The following MPP7 variants were observed in gnomAD, a reference collection of about 807,000 sequenced individuals.
MPP7 encodes the protein MAGUK p55 scaffold protein 7.
A neutral mutation model predicts 76.5 loss-of-function variants in MPP7; 60 were observed. The ratio of observed to expected loss-of-function variants is 0.78; its 90% CI spans 0.64 to 0.97. The LOEUF is 0.97. MPP7 is among the 50% of genes least tolerant of loss of function. The pLI is 0.00. For synonymous variants in MPP7, 237 were observed against 244.5 expected (o/e 0.97, Z 0.29); for missense variants, 641 against 694.0 (o/e 0.92, Z 0.86).
rs146310061 is a variant in MPP7 at position 28,326,841 on chromosome 10, G to C, written c.-132+3088C>G. Among the ~76,000 whole-genome samples the C allele has an allele frequency of 3.9e-5, 6 of 152,210 alleles. No homozygotes were observed. The South Asian group carries it at 6.2e-4, about 16-fold the overall frequency. ...AGAGAGTTTGCAAACCCCAGCTCCC[G>C]GGCTCTGTCTGCTGCACTGATATTC... On this transcript the variant is annotated intron_variant, in intron 2 of 11. Coordinates refer to the MPP7 transcript ENST00000441595.
chr10:28,292,835 TGA>T (rs1168275412), intron 1 of MPP7, among the ~76,000 whole-genome samples: 1 of 149,776 alleles, frequency 6.7e-6, no homozygotes. Context: ...CCTAAAAAGG[TGA>T]GAGAGAGAGA....
intron 2 of MPP7, among the ~76,000 whole-genome samples, chr10:28,317,157 T>A (rs1413639437): frequency 6.6e-6 from 1 of 152,216 alleles, no homozygotes; most frequent in African/African-American, 2.4e-5. Context: ...CATTAGCATC[T>A]GCCATTTATA....
chr10:28,303,653 A>G (rs1488395970), upstream of MPP7, among the ~76,000 whole-genome samples: 1 of 152,220 alleles, frequency 6.6e-6, no homozygotes, highest in African/African-American at 2.4e-5. Flanking sequence ...CATGTACTAC[A>G]TGATTAGAAA....
chr10:28,284,170 C>T (rs1411483485), intron 1 of MPP7, among the ~76,000 whole-genome samples: 1 of 152,116 alleles, frequency 6.6e-6, no homozygotes, highest in African/African-American at 2.4e-5. Flanking sequence ...AAGTACTTTA[C>T]TGAGGATACC....
Position 28,138,564 on chromosome 10 carries a change from A to C in MPP7, c.316-6873T>G, listed in dbSNP as rs539271507. Among the ~76,000 whole-genome samples the C allele has an allele frequency of 2.0e-5, 3 of 152,332 alleles. No homozygotes were observed. The South Asian group carries it at 6.2e-4, about 32-fold the overall frequency. On this transcript the variant is annotated intron_variant, in intron 5 of 16. Transcript: ENST00000683449. Reference sequence around the variant, plus strand: ...TTTCAATATGGCAATTGACTGATCAATTCATTCTGGGTATAATCTTTCAAT... The same window carrying C: ...TTTCAATATGGCAATTGACTGATCACTTCATTCTGGGTATAATCTTTCAAT...
chr10:28,199,634 A>G (rs1050713290), intron 3 of MPP7, among the ~76,000 whole-genome samples: 1 of 152,068 alleles, frequency 6.6e-6, no homozygotes, highest in Non-Finnish European at 1.5e-5. Flanking sequence ...TTTAAGAGAC[A>G]GAGTCTCTGT....
chr10:28,059,355 T>G (rs1338191097), intron 14 of MPP7, among the ~76,000 whole-genome samples: 1 of 152,186 alleles, frequency 6.6e-6, no homozygotes, highest in African/African-American at 2.4e-5. Context: ...AATTACATGT[T>G]AAGATTCAAT....
In MPP7 at chr10:28,177,872, C is replaced by T. The variant is rs146525459; in HGVS notation, c.156+24281G>A. Among the ~76,000 whole-genome samples, 259 of 152,212 alleles carry T rather than the reference C, an allele frequency of 1.7e-3. 1 individual carries two copies. The highest frequency in any genetic ancestry group is 2.8e-3 in the Non-Finnish European group (190 of 68,000). On this transcript the variant is annotated intron_variant, in intron 3 of 16. Coordinates refer to ENST00000683449, the MANE Select transcript of MPP7 (RefSeq NM_001318170.2). Reference sequence around the variant, plus strand: ...ATGCCAGGCATGCAGGTGCTGAAACCCTAAATACTGTGAGGGGCTCCTTTC... The same window carrying T: ...ATGCCAGGCATGCAGGTGCTGAAACTCTAAATACTGTGAGGGGCTCCTTTC...
At chr10:28,066,903 A>T (rs1167902212) in intron 13 of MPP7, among the ~76,000 whole-genome samples, 1 of 152,204 alleles carries the variant, frequency 6.6e-6, no homozygotes, top group Non-Finnish European at 1.5e-5. Context: ...TATACTTTGT[A>T]TGCATATACT....
chr10:28,166,687 G>A (rs185315072), intron 3 of MPP7, among the ~76,000 whole-genome samples: 49 of 152,116 alleles, frequency 3.2e-4, no homozygotes, highest in African/African-American at 1.1e-3. Context: ...GATTACAGGC[G>A]TGAGCCACCA....
intron 11 of MPP7, 36 bp from the exon 12 acceptor site, chr10:28,089,877 T>C (rs756333340): frequency 2.8e-6 from 3 of 1,089,790 alleles, no homozygotes; most frequent in Non-Finnish European, 3.9e-6. Context: ...TTTAGTAACA[T>C]CAACCAAAAA....
intron 1 of MPP7, among the ~76,000 whole-genome samples, chr10:28,262,190 T>TAA: frequency 2.2e-4 from 1 of 4,648 alleles, no homozygotes; most frequent in Non-Finnish European, 4.4e-4. Context: ...ATAAATTATA[T>TAA]ATATATATAT....
intron 2 of MPP7, among the ~76,000 whole-genome samples, chr10:28,326,495 A>T (rs1018908225): frequency 6.6e-6 from 1 of 152,192 alleles, no homozygotes; most frequent in African/African-American, 2.4e-5. Flanking sequence ...GGTGACAGTC[A>T]ATGCTCCGGG....
intron 11 of MPP7, among the ~76,000 whole-genome samples, chr10:28,109,223 G>T (rs990662301): frequency 1.3e-5 from 2 of 152,154 alleles, no homozygotes; most frequent in Non-Finnish European, 2.9e-5. Flanking sequence ...CGGAGGCAGA[G>T]GTTGCAGTGA....
rs914445579 is a variant in MPP7, at chr10:28,149,713, T to C, written c.234+269A>G. Among the ~76,000 whole-genome samples the C allele has an allele frequency of 9.2e-5, 12 of 131,128 alleles. No homozygotes were observed. In the East Asian group the frequency reaches 4.0e-3, roughly 44 times the overall value. The allele number at this position is 131,128 out of a possible 152,430, so 86.0% of individuals were successfully genotyped here. On this transcript the variant is annotated intron_variant, in intron 4 of 16. Coordinates refer to ENST00000683449, the MANE Select transcript of MPP7 (RefSeq NM_001318170.2). ...ACCAACAGCTGACAGCTTCTCTCTC[T>C]CCAGAGTTTAAAGCCTAAAATGTCT... is the stretch of plus-strand genomic sequence containing the variant.
chr10:28,283,575 C>T lies in MPP7; in HGVS notation c.-132+19286G>A, dbSNP rs183688876. Among the ~76,000 whole-genome samples, 177 of 152,134 alleles carry T rather than the reference C, an allele frequency of 1.2e-3. 3 individuals are homozygous for T. The highest frequency in any genetic ancestry group is 3.8e-3 in the African/African-American group (159 of 41,398). ...TTCCACTCAGGCTGGAGTGCAGTGG[C>T]GCAATCTCAGCTCACTGCAGCCTCT... is the stretch of plus-strand genomic sequence containing the variant. On this transcript the variant is annotated intron_variant, in intron 1 of 16. Coordinates refer to ENST00000683449, the MANE Select transcript of MPP7 (RefSeq NM_001318170.2).
intron 2 of MPP7, among the ~76,000 whole-genome samples, chr10:28,207,261 A>G (rs539583093): frequency 1.1e-3 from 170 of 152,290 alleles, no homozygotes; most frequent in African/African-American, 3.8e-3. Context: ...ATAAAAAGCA[A>G]TATTTTTTAA....
intron 5 of MPP7, among the ~76,000 whole-genome samples, chr10:28,132,673 T>C (rs1286214939): frequency 6.6e-6 from 1 of 152,046 alleles, no homozygotes; most frequent in Non-Finnish European, 1.5e-5. Flanking sequence ...AATCTTGGCT[T>C]ACCGCAACCT....
intron 2 of MPP7, among the ~76,000 whole-genome samples, chr10:28,217,665 TA>T (rs1838359611): frequency 6.6e-6 from 1 of 152,076 alleles, no homozygotes; most frequent in African/African-American, 2.4e-5. Context: ...TTATAGAAAT[TA>T]TCTTCTGAAT....
Sources: gnomAD v4.1 joint callset for allele counts (sites outside exome capture counted in the v4.1 genomes callset) on GRCh38, gnomAD v4.1.1 for gene constraint, MANE v1.5 for transcripts, NCBI Gene and HGNC (gene_info 2026-07-23, HGNC 2026-07-21) for gene names.